Variants in GPSM1 observed in about 807,000 individuals in gnomAD.
GPSM1 encodes G protein signaling modulator 1.
A neutral mutation model predicts 70.5 loss-of-function variants in GPSM1; 48 were observed. The observed-to-expected ratio is 0.68, with a 90% confidence interval of 0.54 to 0.87. GPSM1 has a LOEUF of 0.87. Among genes scored for constraint, GPSM1 ranks in the 40% least tolerant of loss-of-function variants. The pLI, the probability that GPSM1 is intolerant of heterozygous loss-of-function variation, is 0.00. For missense variants in GPSM1, 981 were observed against 972.6 expected, an observed-to-expected ratio of 1.01 and a Z score of -0.11; for synonymous variants, 416 against 430.1, an observed-to-expected ratio of 0.97 and a Z score of 0.41.
At chr9:136,356,238 T>A in intron 12 of GPSM1, 104 bp from the exon 13 acceptor site, 1 of 873,286 alleles carries the variant, frequency 1.1e-6, no homozygotes, top group Non-Finnish European at 1.7e-6. Flanking sequence ...AGCAGCACAG[T>A]GGGCTGGGCT....
intron 9 of GPSM1, among the ~76,000 whole-genome samples, chr9:136,345,660 T>G (rs1554771155): frequency 6.7e-6 from 1 of 149,860 alleles, no homozygotes; most frequent in African/African-American, 2.4e-5. Context: ...CCCATGGCAC[T>G]GGGGGCGGCA....
chr9:136,328,747 T>G (rs1832036455), intron 1 of GPSM1, among the ~76,000 whole-genome samples: 1 of 152,144 alleles, frequency 6.6e-6, no homozygotes, highest in African/African-American at 2.4e-5. Flanking sequence ...AGCCCCATTG[T>G]GCCGTCCTGG....
At chr9:136,331,908 G>T (rs763589690) in intron 1 of GPSM1, 2 of 397,542 alleles carry the variant, frequency 5.0e-6, no homozygotes, top group Non-Finnish European at 8.9e-6. Flanking sequence ...CATCCTGGAG[G>T]TCAGAGGGCA....
chr9:136,354,409 G>GC (rs1832754950), intron 11 of GPSM1, among the ~76,000 whole-genome samples: 1 of 152,218 alleles, frequency 6.6e-6, no homozygotes, highest in Admixed American at 6.5e-5. Context: ...CCTGGGCTGT[G>GC]GGGGTCAGGT....
Position 136,349,655 on chromosome 9 carries a change from C to G in GPSM1, c.1347C>G (p.Pro449=). 1 of 1,550,848 alleles carries G rather than the reference C, an allele frequency of 6.4e-7. No individual in the cohort carries two copies. Among genetic ancestry groups the G allele is most frequent in the Non-Finnish European group, 8.7e-7 (1 of 1,147,046 alleles). ...CCAGCAGGGACTCGCTACCCCTCCCCGTGAGGAGCAGGAAGTACCAGGAAG... is the reference window on the plus strand; with the variant it reads ...CCAGCAGGGACTCGCTACCCCTCCCGGTGAGGAGCAGGAAGTACCAGGAAG... ...RGPSRDSLPL[P]VRSRKYQEGP... Residue 449 remains proline (P), a synonymous_variant, in exon 11 of 14, where the codon CCC becomes CCG. Coordinates refer to ENST00000440944, the MANE Select transcript of GPSM1 (RefSeq NM_001145638.3).
chr9:136,358,148 C>T lies in GPSM1; in HGVS notation c.1956C>T (p.Leu652=), dbSNP rs146975048. ...GCATGGACGAGCAGCGGGTGGACCT[C>T]GCCGGGGGCCCGGAGCAGGGGGCAG... is the stretch of plus-strand genomic sequence containing the variant. ...AKRMDEQRVD[L]AGGPEQGAGG... is the part of the protein sequence containing the mutation. The change falls in exon 14 of 14, where the codon CTC becomes CTT. Residue 652 remains leucine, a synonymous_variant. Coordinates refer to ENST00000440944, the MANE Select transcript of GPSM1 (RefSeq NM_001145638.3). 4.3e-5 allele frequency: 69 copies of T among 1,604,454 alleles called. No homozygotes were observed. The African/African-American group carries it at 5.3e-4, about 12-fold the overall frequency.
At chr9:136,332,157 C>G (rs1417125598) in intron 1 of GPSM1, 3 of 399,284 alleles carry the variant, frequency 7.5e-6, no homozygotes, top group African/African-American at 6.2e-5. Flanking sequence ...GATGCGAAAC[C>G]TGCAGAGGAA....
Position 136,340,826 on chromosome 9 carries a change from G to A in GPSM1, c.1084-44G>A, listed in dbSNP as rs1564346799. 1 of 1,525,166 alleles carries A rather than the reference G, an allele frequency of 6.6e-7. No homozygotes were observed. Among genetic ancestry groups the A allele is most frequent in the Admixed American group, 2.0e-5 (1 of 49,556 alleles). The allele number at this position is 1,525,166 out of a possible 1,614,324, so 94.5% of individuals were successfully genotyped here. A position where few individuals can be genotyped will look rare whatever the true frequency, so the allele number is the denominator to read the frequency against. ...AGGTCCCCTTGGAGCCCACAGCAGG[G>A]CCCCCAGCCACACCTGCCCGCTCCG... On this transcript the variant is annotated intron_variant, in intron 8 of 13. Transcript: ENST00000440944. The surrounding 1 kb of genome is among the most constrained non-coding windows in gnomAD (Gnocchi z 7.3).
At chr9:136,332,702 C>G (rs567623429) in intron 1 of GPSM1, among the ~76,000 whole-genome samples, 3 of 152,036 alleles carry the variant, frequency 2.0e-5, no homozygotes, top group Non-Finnish European at 4.4e-5. Context: ...GATGGCCATT[C>G]CCAGAGGGAT....
rs112024031 is a variant in GPSM1 at position 136,341,366 on chromosome 9, AGGGCT to A, written c.1207+400_1207+404del. The A allele has an allele frequency of 0.42, 595,324 of 1,408,550 alleles. 127,109 individuals carry two copies. Among genetic ancestry groups the A allele is most frequent in the African/African-American group, 0.54 (36,452 of 68,044 alleles). The allele number at this position is 1,408,550 out of a possible 1,614,324, so 87.3% of individuals were successfully genotyped here. Reference sequence around the variant, plus strand: ...TGGGAGGCGAGAGGGCATCAGCCAGAGGGCTGGGCTGGGCTGGGCTGGGCTGGGCT... The same window carrying A: ...TGGGAGGCGAGAGGGCATCAGCCAGAGGGCTGGGCTGGGCTGGGCTGGGCT... On this transcript the variant is annotated intron_variant, in intron 9 of 13. Transcript: ENST00000440944. The surrounding 1 kb of genome is among the most constrained non-coding windows in gnomAD (Gnocchi z 6.7).
chr9:136,349,491 A>G, intron 10 of GPSM1, 96 bp from the exon 11 acceptor site: 2 of 1,143,828 alleles, frequency 1.7e-6, no homozygotes, highest in Non-Finnish European at 1.2e-6. Context: ...GCGTGCATCC[A>G]TGAAATGGAG....
In GPSM1 at chr9:136,358,560, C is replaced by A. The variant is rs908869169; in HGVS notation, c.*340C>A. The stretch of plus-strand genomic sequence containing the variant: ...CTGCCCTGCCCTGCCAAATGTGAAA[C>A]CCTGCTGTCTCCCCCACCCTCCCCA... On this transcript the variant is annotated 3_prime_UTR_variant, in exon 14 of 14. Coordinates refer to ENST00000440944, the MANE Select transcript of GPSM1 (RefSeq NM_001145638.3). 2.3e-6 allele frequency: 1 copy of A among 443,850 alleles called. No homozygotes were observed. Among genetic ancestry groups the A allele is most frequent in the African/African-American group, 2.1e-5 (1 of 47,408 alleles). 27.5% of individuals were successfully genotyped at this position (443,850 alleles called of 1,614,324 possible).
intron 7 of GPSM1, 40 bp downstream of exon 7, chr9:136,338,750 C>A (rs1554769742): frequency 6.6e-7 from 1 of 1,514,558 alleles, no homozygotes; most frequent in East Asian, 2.5e-5. Flanking sequence ...CCGGCCCGGC[C>A]CACAGGCTGA....
intron 9 of GPSM1, among the ~76,000 whole-genome samples, chr9:136,346,493 A>G (rs377083546): frequency 8.7e-4 from 132 of 152,332 alleles, no homozygotes; most frequent in Admixed American, 2.9e-3. Flanking sequence ...CTTGCTGTCC[A>G]CCAGGTGCCT....
chr9:136,346,590 G>A (rs1385898995), intron 9 of GPSM1, among the ~76,000 whole-genome samples: 5 of 152,196 alleles, frequency 3.3e-5, no homozygotes, highest in Non-Finnish European at 7.3e-5. Flanking sequence ...GGGGGTGGAG[G>A]CTTGGACTCC....
intron 11 of GPSM1, chr9:136,354,717 C>T (rs1168692936): frequency 6.2e-6 from 4 of 650,368 alleles, no homozygotes; most frequent in African/African-American, 5.9e-5. Flanking sequence ...GAGACCACGC[C>T]CTCCAGCCTC....
At chr9:136,346,371 C>T (rs547097294) in intron 9 of GPSM1, among the ~76,000 whole-genome samples, 1 of 152,216 alleles carries the variant, frequency 6.6e-6, no homozygotes, top group Non-Finnish European at 1.5e-5. Flanking sequence ...TCCCCTTCCC[C>T]CCAGCTGCGT....
At chr9:136,348,584 C>A in intron 9 of GPSM1, 113 bp from the exon 10 acceptor site, 1 of 697,676 alleles carries the variant, frequency 1.4e-6, no homozygotes, top group Non-Finnish European at 2.4e-6. Flanking sequence ...GGGGGGCTGG[C>A]TGTCAGAAAG....
At chr9:136,349,903 G>A (rs1832617727) in intron 11 of GPSM1, 140 bp downstream of exon 11, 2 of 767,614 alleles carry the variant, frequency 2.6e-6, no homozygotes, top group Middle Eastern at 3.9e-4. Context: ...TGCACCTGGT[G>A]CAGTGCTGTC....
Sources: gnomAD v4.1 joint callset for allele counts (sites outside exome capture counted in the v4.1 genomes callset) on GRCh38, gnomAD v4.1.1 for gene constraint, Gnocchi (gnomAD v3.1) non-coding constraint, MANE v1.5 for transcripts, NCBI Gene and HGNC (gene_info 2026-07-23, HGNC 2026-07-21) for gene names.